AK9: variants seen among roughly 807,000 people sequenced by gnomAD.
The protein encoded by AK9 is adenylate kinase domain containing 1.
In AK9, 191 loss-of-function variants were observed where a neutral mutation model predicts 239.6. The observed-to-expected ratio is 0.80, with a 90% CI of 0.71 to 0.90. The LOEUF is 0.90. AK9 is among the 40% of genes least tolerant of loss of function. The pLI, the probability that AK9 is intolerant of heterozygous loss-of-function variation, is 0.00. For synonymous variants in AK9, 689 were observed against 721.0 expected (o/e 0.96, Z 0.71); for missense variants, 1,995 against 2,214.7 (o/e 0.90, Z 1.99).
intron 3 of AK9, among the ~76,000 whole-genome samples, chr6:109,672,590 G>A (rs953171008): frequency 6.6e-4 from 100 of 152,280 alleles, no homozygotes; most frequent in African/African-American, 1.9e-3. Context: ...GGAAGCTGAC[G>A]TGGGGTGATC....
chr6:109,503,857 G>T (rs1777838133), intron 35 of AK9, among the ~76,000 whole-genome samples: 1 of 152,184 alleles, frequency 6.6e-6, no homozygotes, highest in South Asian at 2.1e-4. Context: ...ATGACAGGCT[G>T]ATGCGAGGGT....
At chr6:109,631,022 A>G (rs557803653) in intron 12 of AK9, among the ~76,000 whole-genome samples, 2 of 152,318 alleles carry the variant, frequency 1.3e-5, no homozygotes, top group East Asian at 3.9e-4. Context: ...CCTGTCCTTC[A>G]CATCATAAGA....
At chr6:109,536,904 G>A (rs1189638024) in intron 27 of AK9, among the ~76,000 whole-genome samples, 5 of 152,226 alleles carry the variant, frequency 3.3e-5, no homozygotes, top group East Asian at 1.9e-4. Flanking sequence ...GCTGGTTTGT[G>A]TTTATTGATT....
chr6:109,612,193 A>G, intron 15 of AK9, 100 bp from the exon 16 acceptor site: 1 of 679,802 alleles, frequency 1.5e-6, no homozygotes, highest in Non-Finnish European at 2.4e-6. Flanking sequence ...ACCAGGACTC[A>G]CATTCCCAAT....
At chr6:109,652,147 A>C (rs1191030440) in intron 8 of AK9, among the ~76,000 whole-genome samples, 1 of 152,186 alleles carries the variant, frequency 6.6e-6, no homozygotes, top group African/African-American at 2.4e-5. Context: ...TCGATGCAAA[A>C]ATCCTCAATA....
At chr6:109,587,760 T>C (rs1375143232) in intron 17 of AK9, among the ~76,000 whole-genome samples, 1 of 152,222 alleles carries the variant, frequency 6.6e-6, no homozygotes, top group East Asian at 1.9e-4. Context: ...AGCATACTAG[T>C]GCAGGTGTCT....
intron 26 of AK9, among the ~76,000 whole-genome samples, chr6:109,544,783 T>C (rs1425072653): frequency 6.6e-6 from 1 of 152,030 alleles, no homozygotes; most frequent in East Asian, 1.9e-4. Flanking sequence ...TGGTAAGACA[T>C]CATTAGAAAT....
chr6:109,527,201 G>T (rs146223114), intron 29 of AK9, among the ~76,000 whole-genome samples: 1 of 152,150 alleles, frequency 6.6e-6, no homozygotes, highest in South Asian at 2.1e-4. Context: ...ACAAGATGGC[G>T]ACATTTCCCT....
intron 16 of AK9, among the ~76,000 whole-genome samples, chr6:109,610,994 G>T (rs1454788295): frequency 6.6e-6 from 1 of 152,174 alleles, no homozygotes; most frequent in Non-Finnish European, 1.5e-5. Flanking sequence ...CTTGATTCTT[G>T]TCCTTTTTGG....
At chr6:109,591,944 T>C (rs1472341521) in intron 17 of AK9, among the ~76,000 whole-genome samples, 5 of 152,164 alleles carry the variant, frequency 3.3e-5, no homozygotes, top group Non-Finnish European at 5.9e-5. Context: ...TCTGACTGAT[T>C]TTCAATGTGA....
At chr6:109,502,975 G>GTA (rs1225181674) in intron 35 of AK9, among the ~76,000 whole-genome samples, 1 of 149,544 alleles carries the variant, frequency 6.7e-6, no homozygotes, top group African/African-American at 2.4e-5. Flanking sequence ...GTGTGTGTGT[G>GTA]TGTGTGTGTG....
rs1474808427 is a variant in AK9 at position 109,621,907 on chromosome 6, A to C, written c.1255-2671T>G. ...TAAAGTATAATTAAAAAAAAAAAAA[A>C]AAAAACAAAAAAAAAACAGAAAGAG... On this transcript the variant is annotated intron_variant, in intron 12 of 40. Transcript: ENST00000424296. Among the ~76,000 whole-genome samples, 377 of 40,026 alleles carry C rather than the reference A, an allele frequency of 9.4e-3. 1 individual carries two copies. The highest frequency in any genetic ancestry group is 0.015 in the Non-Finnish European group (223 of 15,122). The allele number at this position is 40,026 out of a possible 152,430, so 26.3% of individuals were successfully genotyped here. A position where few individuals can be genotyped will look rare whatever the true frequency, so the allele number is the denominator to read the frequency against.
Position 109,509,161 on chromosome 6 carries a change from C to T in AK9, c.4481+18G>A. 1 of 1,550,146 alleles carries T rather than the reference C, an allele frequency of 6.5e-7. No individual in the cohort carries two copies. The highest frequency in any genetic ancestry group is 1.4e-5 in the African/African-American group (1 of 73,122). On this transcript the variant is annotated intron_variant, in intron 33 of 40. Coordinates refer to ENST00000424296, the MANE Select transcript of AK9 (RefSeq NM_001145128.3). Reference sequence around the variant, plus strand: ...GATTTAACTCCCTCTGTCCCATCCTCTCACCCCATTCACTTACCCTGCAGT... The same window carrying T: ...GATTTAACTCCCTCTGTCCCATCCTTTCACCCCATTCACTTACCCTGCAGT...
At chr6:109,584,859 C>T (rs375635078) in intron 19 of AK9, among the ~76,000 whole-genome samples, 2 of 152,026 alleles carry the variant, frequency 1.3e-5, no homozygotes, top group Non-Finnish European at 2.9e-5. Flanking sequence ...TACCCATGCT[C>T]ATTTTTTAAA....
Position 109,653,388 on chromosome 6 carries a change from G to A in AK9, c.759+3368C>T, listed in dbSNP as rs1799247355. ...TTTCTGCCAAACTGAGTTAAAAAAC[G>A]GAATCAGTTTATTTTACTTTTTATT... On this transcript the variant is annotated intron_variant, in intron 8 of 40. Transcript: ENST00000424296. Among the ~76,000 whole-genome samples, 2 of 152,090 alleles carry A rather than the reference G, an allele frequency of 1.3e-5. 1 individual carries two copies. The highest frequency in any genetic ancestry group is 4.1e-4 in the South Asian group (2 of 4,832).
chr6:109,563,977 G>T, intron 23 of AK9, 103 bp downstream of exon 23: 1 of 1,213,696 alleles, frequency 8.2e-7, no homozygotes, highest in Non-Finnish European at 1.1e-6. Context: ...TGGATATACT[G>T]AACATTTACT....
At chr6:109,547,171 T>C (rs1783673811) in intron 25 of AK9, among the ~76,000 whole-genome samples, 1 of 152,192 alleles carries the variant, frequency 6.6e-6, no homozygotes, top group South Asian at 2.1e-4. Flanking sequence ...ACCATCCACA[T>C]ACTTCAGTAG....
intron 12 of AK9, among the ~76,000 whole-genome samples, chr6:109,623,725 T>C (rs1379560787): frequency 6.6e-6 from 1 of 152,190 alleles, no homozygotes; most frequent in African/African-American, 2.4e-5. Flanking sequence ...ACTCAGTATT[T>C]TCCTCTGTAT....
Position 109,675,771 on chromosome 6 carries a change from G to T in AK9, c.-11-15C>A. ...GACACAAAATACTACAATAAAAAAG[G>T]GTAAGATTGTTAACTTGTCTAATTT... is the stretch of plus-strand genomic sequence containing the variant. On this transcript the variant is annotated splice_polypyrimidine_tract_variant and intron_variant, in intron 1 of 40. Coordinates refer to ENST00000424296, the MANE Select transcript of AK9 (RefSeq NM_001145128.3). The T allele has an allele frequency of 7.0e-7, 1 of 1,437,266 alleles. No homozygotes were observed. The highest frequency in any genetic ancestry group is 1.3e-5 in the South Asian group (1 of 78,592). The allele number at this position is 1,437,266 out of a possible 1,614,324, so 89.0% of individuals were successfully genotyped here. A position where few individuals can be genotyped will look rare whatever the true frequency, so the allele number is the denominator to read the frequency against.
Sources: gnomAD v4.1 joint callset for allele counts (sites outside exome capture counted in the v4.1 genomes callset) on GRCh38, gnomAD v4.1.1 for gene constraint, MANE v1.5 for transcripts, NCBI Gene and HGNC (gene_info 2026-07-23, HGNC 2026-07-21) for gene names.